Variants in CERS4 observed in about 807,000 individuals in gnomAD.
The protein encoded by CERS4 is LAG1 homolog, ceramide synthase 4.
In CERS4, 65 loss-of-function variants were observed where a neutral mutation model predicts 51.8. That is an observed-to-expected ratio of 1.26 (90% CI 1.03 to 1.54). The LOEUF is 1.54. Among genes scored for constraint, CERS4 ranks in the 40% most tolerant of loss-of-function variants. The pLI, the probability that CERS4 is intolerant of heterozygous loss-of-function variation, is 0.00. For missense variants in CERS4, 563 were observed against 500.4 expected (o/e 1.13, Z -1.19); for synonymous variants, 228 against 208.4 (o/e 1.09, Z -0.81).
chr19:8,251,917 C>T (rs1297774303), intron 3 of CERS4, among the ~76,000 whole-genome samples: 1 of 151,692 alleles, frequency 6.6e-6, no homozygotes, highest in Non-Finnish European at 1.5e-5. Flanking sequence ...GGGTTTTAGC[C>T]CTTAAAAAAA....
Position 8,255,771 on chromosome 19 carries a change from G to A in CERS4, c.410+46G>A, listed in dbSNP as rs1162005891. The A allele has an allele frequency of 2.5e-5, 40 of 1,589,268 alleles. No homozygotes were observed. In the East Asian group the frequency reaches 8.5e-4, roughly 34 times the overall value. Reference sequence around the variant, plus strand: ...CTGGGGTGCAGGGAAGCGGGCCGGGGTGGGGCGGGGCGGGTGTCTGCTATT... The same window carrying A: ...CTGGGGTGCAGGGAAGCGGGCCGGGATGGGGCGGGGCGGGTGTCTGCTATT... On this transcript the variant is annotated intron_variant, in intron 5 of 11. Coordinates refer to ENST00000251363, the MANE Select transcript of CERS4 (RefSeq NM_024552.3).
chr19:8,239,962 C>A (rs529906022), intron 2 of CERS4, among the ~76,000 whole-genome samples: 1 of 152,130 alleles, frequency 6.6e-6, no homozygotes, highest in African/African-American at 2.4e-5. Context: ...AGAAGACACC[C>A]CAATGAAACA....
At chr19:8,254,875 A>C (rs1344737402) in intron 4 of CERS4, among the ~76,000 whole-genome samples, 12 of 144,896 alleles carry the variant, frequency 8.3e-5, no homozygotes, top group African/African-American at 1.3e-4. Context: ...GGAGATGAGG[A>C]CCCCCCCCTT....
At chr19:8,244,498 C>G (rs901034203) in intron 2 of CERS4, among the ~76,000 whole-genome samples, 5 of 152,254 alleles carry the variant, frequency 3.3e-5, no homozygotes, top group African/African-American at 1.2e-4. Context: ...TGCCAATTTC[C>G]TCTCCCAACC....
chr19:8,256,381 C>G, intron 7 of CERS4, 95 bp downstream of exon 7: 1 of 1,363,828 alleles, frequency 7.3e-7, no homozygotes, highest in Non-Finnish European at 1.0e-6. Flanking sequence ...TGACACTACA[C>G]TGTCATTCCC....
chr19:8,251,277 T>C (rs1266294491), intron 3 of CERS4, 28 bp downstream of exon 3: 3 of 1,554,124 alleles, frequency 1.9e-6, no homozygotes, highest in Non-Finnish European at 2.6e-6. Context: ...CGCAATCCAT[T>C]GCCCCCGCAG....
intron 2 of CERS4, among the ~76,000 whole-genome samples, chr19:8,243,032 C>T (rs1968604204): frequency 6.6e-6 from 1 of 151,370 alleles, no homozygotes; most frequent in African/African-American, 2.4e-5. Flanking sequence ...CCATCTGCAC[C>T]TTGGGGTCTG....
At chr19:8,218,224 C>T (rs1967386624) in intron 2 of CERS4, among the ~76,000 whole-genome samples, 1 of 152,198 alleles carries the variant, frequency 6.6e-6, no homozygotes, top group African/African-American at 2.4e-5. Context: ...CTTGGCCTCC[C>T]AAAGCACTGG....
At chr19:8,237,488 G>A (rs1211570630) in intron 2 of CERS4, among the ~76,000 whole-genome samples, 1 of 152,046 alleles carries the variant, frequency 6.6e-6, no homozygotes, top group African/African-American at 2.4e-5. Context: ...CCAGGAAGTA[G>A]AGGTTGCAGT....
intron 2 of CERS4, among the ~76,000 whole-genome samples, chr19:8,232,864 AGG>A (rs1968073837): frequency 6.7e-6 from 1 of 148,232 alleles, no homozygotes; most frequent in South Asian, 2.1e-4. Flanking sequence ...CTAGGACTAC[AGG>A]GAGACACCAC....
intron 10 of CERS4, 113 bp from the exon 11 acceptor site, chr19:8,261,575 G>A: frequency 8.1e-7 from 1 of 1,239,530 alleles, no homozygotes; most frequent in Non-Finnish European, 1.1e-6. Context: ...GGGGGCACTA[G>A]GGAGCCATAG....
intron 10 of CERS4, chr19:8,261,135 CCCTCCCAG>C: frequency 6.4e-6 from 1 of 156,850 alleles, no homozygotes; most frequent in East Asian, 1.9e-4. Flanking sequence ...GAAGCCCCGC[CCCTCCCAG>C]CCTCCGTGGG....
intron 2 of CERS4, among the ~76,000 whole-genome samples, chr19:8,224,511 G>A (rs1474110000): frequency 1.3e-5 from 2 of 152,110 alleles, no homozygotes; most frequent in African/African-American, 4.8e-5. Flanking sequence ...GCGATTGGTC[G>A]GCCCTCCTAG....
chr19:8,245,124 A>AC (rs1968715442), intron 2 of CERS4, among the ~76,000 whole-genome samples: 4 of 146,878 alleles, frequency 2.7e-5, no homozygotes, highest in Admixed American at 6.7e-5. Context: ...AAAAAAAAAA[A>AC]AAAAAAAAAA....
At position 8,255,930 on chromosome 19, in the gene CERS4, C is replaced by A. The variant is rs764830337; in HGVS notation, c.468+51C>A. The A allele has an allele frequency of 1.9e-6, 3 of 1,586,288 alleles. No individual in the cohort carries two copies. In the South Asian group the frequency reaches 3.3e-5, roughly 18 times the overall value. ...TGCTCACCTGCCCCATCCACCTGGC[C>A]TAGATCTGGCAGGAGTGGGGGTGTG... On this transcript the variant is annotated intron_variant, in intron 6 of 11. Transcript: ENST00000251363.
chr19:8,244,975 T>A (rs2145261131), intron 2 of CERS4, among the ~76,000 whole-genome samples: 1 of 151,984 alleles, frequency 6.6e-6, no homozygotes, highest in African/African-American at 2.4e-5. Context: ...AAACCCTGTC[T>A]CTACTAAAAA....
At position 8,227,997 on chromosome 19, in the gene CERS4, G is replaced by A. The variant is rs1402831507; in HGVS notation, c.-2+17135G>A. On this transcript the variant is annotated intron_variant, in intron 2 of 11. Coordinates refer to ENST00000251363, the MANE Select transcript of CERS4 (RefSeq NM_024552.3). Reference sequence around the variant, plus strand: ...CTACCTCAGCCTCCCGAGTAGCTGGGATTACAGGCGCCCGCCACCACGCCC... The same window carrying A: ...CTACCTCAGCCTCCCGAGTAGCTGGAATTACAGGCGCCCGCCACCACGCCC... 2.6e-5 allele frequency among the ~76,000 whole-genome samples: 4 copies of A among 151,870 alleles called. No individual in the cohort carries two copies. In the East Asian group the frequency reaches 7.8e-4, roughly 30 times the overall value.
At chr19:8,258,703 G>A (rs868713835) in intron 10 of CERS4, among the ~76,000 whole-genome samples, 3 of 152,142 alleles carry the variant, frequency 2.0e-5, no homozygotes, top group African/African-American at 4.8e-5. Context: ...TTAGCCGGAC[G>A]TGATGGTGCA....
At chr19:8,242,128 C>T (rs577201739) in intron 2 of CERS4, among the ~76,000 whole-genome samples, 1 of 152,156 alleles carries the variant, frequency 6.6e-6, no homozygotes, top group Admixed American at 6.6e-5. Context: ...CCTGTCCCAC[C>T]AACAGGTGAC....
Sources: gnomAD v4.1 joint callset for allele counts (sites outside exome capture counted in the v4.1 genomes callset) on GRCh38, gnomAD v4.1.1 for gene constraint, MANE v1.5 for transcripts, NCBI Gene and HGNC (gene_info 2026-07-23, HGNC 2026-07-21) for gene names.